Variants in SGCG observed in about 807,000 individuals in gnomAD.
The protein encoded by SGCG is sarcoglycan gamma.
SGCG carries 26 observed loss-of-function variants against 29.3 expected under a neutral mutation model. That is an observed-to-expected ratio of 0.89 (90% CI 0.65 to 1.23). The LOEUF (loss-of-function observed/expected upper bound fraction) is 1.23, where lower values mean the gene tolerates loss of function less well. SGCG is among the 50% of genes most tolerant of loss of function. The pLI is 0.00. For synonymous variants in SGCG, 145 were observed against 129.7 expected, an observed-to-expected ratio of 1.12 and a Z score of -0.80; for missense variants, 353 against 356.0, an observed-to-expected ratio of 0.99 and a Z score of 0.07.
chr13:23,253,153 A>G (rs1880043256), intron 4 of SGCG, among the ~76,000 whole-genome samples: 1 of 152,196 alleles, frequency 6.6e-6, no homozygotes, highest in Non-Finnish European at 1.5e-5. Flanking sequence ...AGGCTGCAGC[A>G]GGAAGACTGC....
rs1809161790 is a variant in SGCG, at chr13:23,203,708, A to G, written c.14A>G (p.Gln5Arg). The change falls in exon 2 of 8, where the codon CAG becomes CGG. Residue 5 changes from glutamine (Q) to arginine (R), a missense_variant. Gln to Arg is a conservative substitution (Grantham distance 43). Transcript: ENST00000218867. The stretch of plus-strand genomic sequence containing the variant: ...ACTCCGTGGCAGATGGTGCGTGAGC[A>G]GTACACTACAGCCACAGAAGGCATC... MVRE[Q>R]YTTATEGICI... 3 of 1,613,084 alleles carry G rather than the reference A, an allele frequency of 1.9e-6. No homozygotes were observed. The highest frequency in any genetic ancestry group is 2.5e-6 in the Non-Finnish European group (3 of 1,179,346).
chr13:23,320,352 C>T (rs1438403285), intron 6 of SGCG, among the ~76,000 whole-genome samples: 2 of 152,208 alleles, frequency 1.3e-5, no homozygotes, highest in Non-Finnish European at 2.9e-5. Context: ...GAGTACTTAA[C>T]TATGCCATCG....
intron 2 of SGCG, among the ~76,000 whole-genome samples, chr13:23,223,965 C>CA (rs34614476): frequency 0.036 from 5,460 of 150,186 alleles, 207 homozygotes; most frequent in East Asian, 0.2. Context: ...GACTCCATCT[C>CA]AAAAAAAAAG....
chr13:23,184,307 G>T (rs1337169984), intron 1 of SGCG, among the ~76,000 whole-genome samples: 1 of 151,536 alleles, frequency 6.6e-6, no homozygotes, highest in Non-Finnish European at 1.5e-5. Flanking sequence ...ATTTAATATT[G>T]TGTGAATGTT....
rs376144278 is a variant in SGCG, at chr13:23,204,667, C to T, written c.195+778C>T. Among the ~76,000 whole-genome samples the T allele has an allele frequency of 3.0e-3, 435 of 146,890 alleles. 2 individuals carry two copies. The highest frequency in any genetic ancestry group is 0.01 in the African/African-American group (410 of 39,828). On this transcript the variant is annotated intron_variant, in intron 2 of 7. Coordinates refer to ENST00000218867, the MANE Select transcript of SGCG (RefSeq NM_000231.3). ...TTCTCTTCTTTCCCTTCATTCCCTT[C>T]TTTCCCTTCTTTCTCCTCTTTCTCT...
intron 6 of SGCG, among the ~76,000 whole-genome samples, chr13:23,301,982 T>C (rs1882177686): frequency 6.6e-6 from 1 of 152,132 alleles, no homozygotes; most frequent in East Asian, 1.9e-4. Flanking sequence ...ATGATGACCT[T>C]TTATGGTTTA....
chr13:23,268,395 C>T (rs1269373422), intron 4 of SGCG: 2 of 152,312 alleles, frequency 1.3e-5, no homozygotes, highest in Non-Finnish European at 2.9e-5. Context: ...ATCATTTCTG[C>T]TAGGATTTTG....
intron 6 of SGCG, among the ~76,000 whole-genome samples, chr13:23,314,406 A>ATATATATATATATATATATATATATATG (rs1566044512): frequency 7.1e-6 from 1 of 141,634 alleles, no homozygotes; most frequent in East Asian, 2.1e-4. Context: ...ATATATATAT[A>ATATATATATATATATATATATATATATG]TAATCTTATT....
At chr13:23,276,154 C>G (rs1593213626) in intron 4 of SGCG, among the ~76,000 whole-genome samples, 1 of 151,764 alleles carries the variant, frequency 6.6e-6, no homozygotes, top group East Asian at 1.9e-4. Context: ...ACGATTACAT[C>G]CTCAGCTCTA....
intron 6 of SGCG, among the ~76,000 whole-genome samples, chr13:23,318,201 A>G (rs1882901824): frequency 6.6e-6 from 1 of 151,046 alleles, no homozygotes; most frequent in Non-Finnish European, 1.5e-5. Flanking sequence ...ATGTCCTACT[A>G]TAACTACTAG....
intron 5 of SGCG, among the ~76,000 whole-genome samples, chr13:23,293,038 A>G (rs1474059663): frequency 6.6e-6 from 1 of 152,216 alleles, no homozygotes; most frequent in East Asian, 1.9e-4. Flanking sequence ...AAATGTTGTC[A>G]ACACATCAGC....
chr13:23,185,636 C>T (rs1045379885), intron 1 of SGCG, among the ~76,000 whole-genome samples: 2 of 152,180 alleles, frequency 1.3e-5, no homozygotes, highest in African/African-American at 2.4e-5. Flanking sequence ...ACAGCAAAGG[C>T]GGCAAAGTGG....
chr13:23,240,185 AGACAAAGT>A (rs1254197819), intron 3 of SGCG, among the ~76,000 whole-genome samples: 10 of 152,234 alleles, frequency 6.6e-5, no homozygotes. Flanking sequence ...ATATTAAAAC[AGACAAAGT>A]AGATTTCACA....
chr13:23,181,238 G>C (rs1422652977), intron 1 of SGCG, among the ~76,000 whole-genome samples, 163 bp downstream of exon 1: 2 of 152,054 alleles, frequency 1.3e-5, no homozygotes, highest in Admixed American at 1.3e-4. Flanking sequence ...GACATATCAA[G>C]TATCAATGAA....
At chr13:23,168,090 G>C in the SGCG span, among the ~76,000 whole-genome samples, 1 of 150,518 alleles carries the variant, frequency 6.6e-6, no homozygotes, top group South Asian at 2.1e-4. Context: ...AGAGTTGTTT[G>C]AGCTCCCTAG....
chr13:23,202,900 A>T (rs1877819332), intron 1 of SGCG, among the ~76,000 whole-genome samples: 1 of 152,214 alleles, frequency 6.6e-6, no homozygotes, highest in Admixed American at 6.5e-5. Context: ...CTTCATAGCT[A>T]AAAAGTACTT....
intron 4 of SGCG, chr13:23,268,453 C>G (rs1322667141): frequency 6.6e-6 from 1 of 152,562 alleles, no homozygotes; most frequent in African/African-American, 2.4e-5. Flanking sequence ...AGAAGAGATT[C>G]TGAGACAAGC....
chr13:23,289,636 C>CAT (rs5802223), intron 5 of SGCG, among the ~76,000 whole-genome samples: 96,856 of 151,578 alleles, frequency 0.64, 32,549 homozygotes, highest in Middle Eastern at 0.84. Flanking sequence ...GAATTTAAAA[C>CAT]TGACATTCAT....
chr13:23,226,152 A>C lies in SGCG; in HGVS notation c.196-8459A>C, dbSNP rs532248240. Among the ~76,000 whole-genome samples, 195 of 152,320 alleles carry C rather than the reference A, an allele frequency of 1.3e-3. 1 individual carries two copies. Among genetic ancestry groups the C allele is most frequent in the African/African-American group, 4.5e-3 (186 of 41,572 alleles). On this transcript the variant is annotated intron_variant, in intron 2 of 7. Transcript: ENST00000218867. ...CTCACCCAGTGATTACAGTGACTAT[A>C]AACATCAAACTATTACTACAAGACA...
Sources: allele counts gnomAD v4.1 joint callset (sites outside exome capture counted in the v4.1 genomes callset), GRCh38; gene constraint gnomAD v4.1.1; transcripts MANE v1.5; gene names NCBI Gene and HGNC (gene_info 2026-07-23, HGNC 2026-07-21).